NAP1L4: variants seen among roughly 807,000 people sequenced by gnomAD.
NAP1L4 encodes nucleosome assembly protein 1-like 4.
In NAP1L4, 15 loss-of-function variants were observed where a neutral mutation model predicts 58.2. That is an observed-to-expected ratio of 0.26 (90% CI 0.17 to 0.40). The LOEUF is 0.40. NAP1L4 is among the 10% of genes least tolerant of loss of function. The pLI is 1.00. For missense variants in NAP1L4, 384 were observed against 451.1 expected, an observed-to-expected ratio of 0.85 and a Z score of 1.35; for synonymous variants, 171 against 155.6, an observed-to-expected ratio of 1.10 and a Z score of -0.74.
At chr11:2,979,778 A>AT (rs201566065) in intron 1 of NAP1L4, among the ~76,000 whole-genome samples, 5,117 of 152,080 alleles carry the variant, frequency 0.034, 277 homozygotes, top group African/African-American at 0.12. Flanking sequence ...ATCTAAAAAA[A>AT]AAAATAAAAT....
intron 7 of NAP1L4, among the ~76,000 whole-genome samples, chr11:2,965,689 C>T (rs1206963898): frequency 2.0e-5 from 3 of 152,134 alleles, no homozygotes; most frequent in Non-Finnish European, 2.9e-5. Context: ...GCCAACCATG[C>T]CCGGCTAATT....
At chr11:2,970,859 A>C (rs12278982) in intron 6 of NAP1L4, among the ~76,000 whole-genome samples, 14 of 76,764 alleles carry the variant, frequency 1.8e-4, no homozygotes, top group Non-Finnish European at 3.5e-4. Context: ...CCCCCCCCCC[A>C]AAAAAAAAAC....
In NAP1L4 at chr11:2,947,626, A is replaced by C. The variant is rs1176408873; in HGVS notation, c.*32+1601T>G. ...AGCTTGTGACACATGCCGAAAAAAA[A>C]AAAACTACACCTAAACTCCCAAACT... On this transcript the variant is annotated intron_variant, in intron 15 of 15. Transcript: ENST00000380542. 2.0e-5 allele frequency among the ~76,000 whole-genome samples: 3 copies of C among 152,338 alleles called. No individual in the cohort carries two copies. In the East Asian group the frequency reaches 5.8e-4, roughly 29 times the overall value.
In NAP1L4 at chr11:2,953,233, A is replaced by G. The variant is rs368579073; in HGVS notation, c.1035+1294T>C. On this transcript the variant is annotated intron_variant, in intron 12 of 15. Transcript: ENST00000380542. The stretch of plus-strand genomic sequence containing the variant: ...CATGTACTATAAGCAAATGTGGCAC[A>G]GTGCTCACCAGCAGTACAGATACCG... Among the ~76,000 whole-genome samples, 9 of 152,386 alleles carry G rather than the reference A, an allele frequency of 5.9e-5. No individual in the cohort carries two copies. The East Asian group carries it at 9.6e-4, about 16-fold the overall frequency.
intron 6 of NAP1L4, 131 bp from the exon 7 acceptor site, chr11:2,970,065 C>A: frequency 1.1e-6 from 1 of 898,638 alleles, no homozygotes; most frequent in Non-Finnish European, 1.6e-6. Context: ...TCTGCACCTC[C>A]AAACCACTCA....
At chr11:2,947,813 A>G (rs556032409) in intron 15 of NAP1L4, among the ~76,000 whole-genome samples, 23 of 152,344 alleles carry the variant, frequency 1.5e-4, no homozygotes, top group South Asian at 1.0e-3. Flanking sequence ...GTTTGAACAG[A>G]TAACACTCGA....
At chr11:2,952,961 T>C (rs1330273699) in intron 12 of NAP1L4, among the ~76,000 whole-genome samples, 3 of 151,720 alleles carry the variant, frequency 2.0e-5, no homozygotes, top group Non-Finnish European at 4.4e-5. Flanking sequence ...TAAAACACTT[T>C]ATGCCAACAC....
intron 1 of NAP1L4, chr11:2,991,994 C>T (rs1451256178): frequency 6.6e-6 from 1 of 151,950 alleles, no homozygotes; most frequent in Non-Finnish European, 1.5e-5. Context: ...GGCGGGCAGC[C>T]GGGCGAGGCG....
chr11:2,964,821 G>C, intron 7 of NAP1L4, 70 bp from the exon 8 acceptor site: 2 of 1,120,246 alleles, frequency 1.8e-6, no homozygotes, highest in Non-Finnish European at 2.6e-6. Flanking sequence ...GAAGAGTCAT[G>C]GTTGCAGAGG....
At chr11:2,990,848 G>T in intron 1 of NAP1L4, 1 of 304,222 alleles carries the variant, frequency 3.3e-6, no homozygotes, top group Non-Finnish European at 6.7e-6. Context: ...CGCAGTGCAG[G>T]TATTAGTCAT....
intron 3 of NAP1L4, among the ~76,000 whole-genome samples, chr11:2,977,867 A>T (rs1848058213): frequency 3.9e-5 from 1 of 25,882 alleles, no homozygotes; most frequent in Non-Finnish European, 6.7e-5. Context: ...GTATAGACTT[A>T]AAAAAAAAAA....
chr11:2,966,679 C>T (rs1448973816), intron 7 of NAP1L4, among the ~76,000 whole-genome samples: 1 of 152,162 alleles, frequency 6.6e-6, no homozygotes, highest in African/African-American at 2.4e-5. Flanking sequence ...CACCTGCATG[C>T]GATGTTCAGT....
In NAP1L4 at chr11:2,955,179, G is replaced by A. The variant is rs1590223336; in HGVS notation, c.916-533C>T. Among the ~76,000 whole-genome samples the A allele has an allele frequency of 6.6e-6, 1 of 151,842 alleles. No individual in the cohort carries two copies. The highest frequency in any genetic ancestry group is 1.5e-5 in the Non-Finnish European group (1 of 67,980). Reference sequence around the variant, plus strand: ...CCCAGCGACCCTGGAACTACACAGTGCACCACCATGTCCAGCTAATTTATT... The same window carrying A: ...CCCAGCGACCCTGGAACTACACAGTACACCACCATGTCCAGCTAATTTATT... On this transcript the variant is annotated intron_variant, in intron 11 of 15. Transcript: ENST00000380542. The surrounding 1 kb of genome is among the most constrained non-coding windows in gnomAD (Gnocchi z 4.2).
At position 2,971,401 on chromosome 11, in the gene NAP1L4, TA is replaced by T. The variant is rs1234267461; in HGVS notation, c.402+46del. ...AAAATCATTAAAAAATGCTTATTTT[TA>T]ACAGTATTAAAACAGAACATGAGTC... On this transcript the variant is annotated intron_variant, in intron 6 of 15. Coordinates refer to ENST00000380542, the MANE Select transcript of NAP1L4 (RefSeq NM_005969.4). The surrounding 1 kb of genome is among the most constrained non-coding windows in gnomAD (Gnocchi z 4.2). 6.5e-7 allele frequency: 1 copy of T among 1,527,518 alleles called. No homozygotes were observed. Among genetic ancestry groups the T allele is most frequent in the Non-Finnish European group, 9.0e-7 (1 of 1,110,512 alleles). 94.6% of individuals were successfully genotyped at this position (1,527,518 alleles called of 1,614,324 possible).
Position 2,951,317 on chromosome 11 carries a change from T to C in NAP1L4, c.1066-2A>G. 6.2e-7 allele frequency: 1 copy of C among 1,613,516 alleles called. No homozygotes were observed. Among genetic ancestry groups the C allele is most frequent in the Non-Finnish European group, 8.5e-7 (1 of 1,179,490 alleles). ...TCCCTCCTCGTCACCTTCTAATTCCTGTATTTAAAAAGTGAGAATTAGCTG... is the reference window on the plus strand; with the variant it reads ...TCCCTCCTCGTCACCTTCTAATTCCCGTATTTAAAAAGTGAGAATTAGCTG... On this transcript the variant is annotated splice_acceptor_variant, in intron 13 of 15. Coordinates refer to ENST00000380542, the MANE Select transcript of NAP1L4 (RefSeq NM_005969.4). LOFTEE classifies it high-confidence loss of function. The surrounding 1 kb of genome is among the most constrained non-coding windows in gnomAD (Gnocchi z 4.0).
chr11:2,965,037 G>C (rs927230822), intron 7 of NAP1L4, among the ~76,000 whole-genome samples: 3 of 152,236 alleles, frequency 2.0e-5, no homozygotes, highest in African/African-American at 4.8e-5. Flanking sequence ...CAATACTGGG[G>C]CAAGGGCCTT....
rs141299877 is a variant in NAP1L4, at chr11:2,949,348, A to G, written c.1123-84T>C. On this transcript the variant is annotated intron_variant, in intron 14 of 15. Transcript: ENST00000380542. The surrounding 1 kb of genome is among the most constrained non-coding windows in gnomAD (Gnocchi z 4.0). ...AATTATACAGGAGGAAACGGCCACA[A>G]TTTCTCATGATACAAAAGGGCTGCA... 1.4e-4 allele frequency: 153 copies of G among 1,095,208 alleles called. No homozygotes were observed. In the East Asian group the frequency reaches 3.6e-3, roughly 26 times the overall value. The allele number at this position is 1,095,208 out of a possible 1,614,324, so 67.8% of individuals were successfully genotyped here.
At chr11:2,983,804 A>C (rs974650447) in intron 1 of NAP1L4, 9 of 152,164 alleles carry the variant, frequency 5.9e-5, no homozygotes, top group African/African-American at 1.9e-4. Context: ...AACATGGGGA[A>C]ACCTCGTCTC....
chr11:2,961,795 G>A (rs1046554652), intron 8 of NAP1L4, among the ~76,000 whole-genome samples: 2 of 152,174 alleles, frequency 1.3e-5, no homozygotes, highest in African/African-American at 4.8e-5. Flanking sequence ...GCCTCCTAAA[G>A]TGCTGGGATT....
Sources: gnomAD v4.1 joint callset for allele counts (sites outside exome capture counted in the v4.1 genomes callset) on GRCh38, gnomAD v4.1.1 for gene constraint, Gnocchi (gnomAD v3.1) non-coding constraint, MANE v1.5 for transcripts, NCBI Gene and HGNC (gene_info 2026-07-23, HGNC 2026-07-21) for gene names.